The following LMBRD1 variants were observed in gnomAD, a reference collection of about 807,000 sequenced individuals.
LMBRD1 encodes lysosomal cobalamin transport escort protein LMBD1.
In LMBRD1, 64 loss-of-function variants were observed where a neutral mutation model predicts 74.8. The ratio of observed to expected loss-of-function variants is 0.86; its 90% CI spans 0.70 to 1.05. The LOEUF (loss-of-function observed/expected upper bound fraction) is 1.05. Ranked by LOEUF, LMBRD1 falls within the 50% of genes least tolerant of loss-of-function variation. The pLI, the probability that LMBRD1 is intolerant of heterozygous loss-of-function variation, is 0.00. For missense variants in LMBRD1, 652 were observed against 645.9 expected, an observed-to-expected ratio of 1.01 and a Z score of -0.10; for synonymous variants, 204 against 216.3, an observed-to-expected ratio of 0.94 and a Z score of 0.50.
At chr6:69,768,684 T>C (rs1765519400) in intron 3 of LMBRD1, among the ~76,000 whole-genome samples, 2 of 152,072 alleles carry the variant, frequency 1.3e-5, no homozygotes, top group South Asian at 4.1e-4. Context: ...TCTTTCTTCC[T>C]ATGAATTTGG....
At position 69,774,991 on chromosome 6, in the gene LMBRD1, G is replaced by GGAAGGAAGGAAGGAAGGAAGGAAGGA. The variant is rs1394719550; in HGVS notation, c.307+5502_307+5503insTCCTTCCTTCCTTCCTTCCTTCCTTC. Among the ~76,000 whole-genome samples the GGAAGGAAGGAAGGAAGGAAGGAAGGA allele has an allele frequency of 1.2e-4, 5 of 42,666 alleles. 1 individual carries two copies. The highest frequency in any genetic ancestry group is 2.6e-4 in the Admixed American group (1 of 3,818). The allele number at this position is 42,666 out of a possible 152,430, so 28.0% of individuals were successfully genotyped here. ...GAAGGAAGGAAGGAAGGAAGGAAGG[G>GGAAGGAAGGAAGGAAGGAAGGAAGGA]AGGGAGGGAGGGAGGGAGGGAGGGA... On this transcript the variant is annotated intron_variant, in intron 3 of 15. Transcript: ENST00000649934.
At position 69,677,050 on chromosome 6, in the gene LMBRD1, T is replaced by A. The variant is rs575123261; in HGVS notation, c.1418-509A>T. ...AAGACAGGTTAACAAGAGAAAAGCA[T>A]AACAAATTTATTTAGTCAGTTTTAC... On this transcript the variant is annotated intron_variant, in intron 14 of 15. Coordinates refer to ENST00000649934, the MANE Select transcript of LMBRD1 (RefSeq NM_018368.4). 1.6e-4 allele frequency among the ~76,000 whole-genome samples: 24 copies of A among 152,220 alleles called. No individual in the cohort carries two copies. The South Asian group carries it at 4.8e-3, about 30-fold the overall frequency.
chr6:69,705,826 C>T lies in LMBRD1; in HGVS notation c.916-3873G>A, dbSNP rs577892056. 26 of 1,266,414 alleles carry T rather than the reference C, an allele frequency of 2.1e-5. No homozygotes were observed. In the South Asian group the frequency reaches 2.7e-4, roughly 13 times the overall value. 78.4% of individuals were successfully genotyped at this position (1,266,414 alleles called of 1,614,324 possible). ...CTCCACTGCTACTAAATGTTGTTCACTAATATGCACTGGCCCTGAACCACA... is the reference window on the plus strand; with the variant it reads ...CTCCACTGCTACTAAATGTTGTTCATTAATATGCACTGGCCCTGAACCACA... On this transcript the variant is annotated intron_variant, in intron 9 of 15. Coordinates refer to ENST00000649934, the MANE Select transcript of LMBRD1 (RefSeq NM_018368.4).
At chr6:69,701,811 T>TA (rs1766137264) in intron 10 of LMBRD1, 78 bp downstream of exon 10, 1 of 1,000,842 alleles carries the variant, frequency 1.0e-6, no homozygotes, top group African/African-American at 1.6e-5. Context: ...CAGCCTACAC[T>TA]AATGGCATTC....
intron 1 of LMBRD1, among the ~76,000 whole-genome samples, chr6:69,793,760 G>C (rs1297540027): frequency 1.9e-5 from 2 of 103,024 alleles, no homozygotes; most frequent in Admixed American, 1.4e-4. Context: ...GTTTCCCTCT[G>C]TTGCCCAGGC....
At chr6:69,713,481 T>C (rs2149852909) in intron 9 of LMBRD1, among the ~76,000 whole-genome samples, 164 bp downstream of exon 9, 1 of 152,262 alleles carries the variant, frequency 6.6e-6, no homozygotes, top group Middle Eastern at 3.4e-3. Context: ...TTATGCACCT[T>C]ACCCAAACTA....
intron 3 of LMBRD1, among the ~76,000 whole-genome samples, chr6:69,768,669 T>G (rs950386824): frequency 1.3e-5 from 2 of 152,074 alleles, no homozygotes; most frequent in African/African-American, 4.8e-5. Flanking sequence ...TTATAATTTC[T>G]GATTTCTTTC....
intron 2 of LMBRD1, among the ~76,000 whole-genome samples, chr6:69,789,946 T>C (rs1374542260): frequency 2.6e-5 from 4 of 152,268 alleles, no homozygotes; most frequent in Non-Finnish European, 5.9e-5. Flanking sequence ...GTACTCAATA[T>C]GAAACGGAGA....
In LMBRD1 at chr6:69,755,588, TAAAA is replaced by T. The variant is rs75543340; in HGVS notation, c.308-3236_308-3233del. 3.7e-3 allele frequency among the ~76,000 whole-genome samples: 493 copies of T among 132,840 alleles called. 3 individuals carry two copies. Among genetic ancestry groups the T allele is most frequent in the African/African-American group, 0.013 (453 of 35,238 alleles). 87.1% of individuals were successfully genotyped at this position (132,840 alleles called of 152,430 possible). ...CATTCTGCACATGTATCCCAGAACT[TAAAA>T]AAAAAAAAAAAAAAATTGTTAACAG... is the stretch of plus-strand genomic sequence containing the variant. On this transcript the variant is annotated intron_variant, in intron 3 of 15. Transcript: ENST00000649934.
At chr6:69,728,597 T>C (rs905299057) in intron 7 of LMBRD1, among the ~76,000 whole-genome samples, 8 of 152,204 alleles carry the variant, frequency 5.3e-5, no homozygotes, top group African/African-American at 1.9e-4. Context: ...AAGGAACCTT[T>C]TGCTCTAGTC....
At chr6:69,752,117 T>G in intron 4 of LMBRD1, 142 bp downstream of exon 4, 1 of 735,272 alleles carries the variant, frequency 1.4e-6, no homozygotes, top group Non-Finnish European at 2.2e-6. Flanking sequence ...TTTCAACTGT[T>G]TCTTTTTATT....
intron 3 of LMBRD1, among the ~76,000 whole-genome samples, chr6:69,779,185 C>CAAAAAAAAAAAAAAAAAA (rs11397050): frequency 7.0e-5 from 7 of 100,128 alleles, no homozygotes; most frequent in African/African-American, 3.1e-4. Flanking sequence ...GACTCAGTCT[C>CAAAAAAAAAAAAAAAAAA]AAAAAAAAAA....
intron 1 of LMBRD1, among the ~76,000 whole-genome samples, chr6:69,796,536 C>T (rs1466219067): frequency 6.6e-6 from 1 of 152,208 alleles, no homozygotes; most frequent in Non-Finnish European, 1.5e-5. Flanking sequence ...CCACCGGCCC[C>T]ATTGCCCAAG....
intron 3 of LMBRD1, among the ~76,000 whole-genome samples, chr6:69,776,085 T>C (rs1336035899): frequency 1.3e-5 from 2 of 152,234 alleles, no homozygotes; most frequent in South Asian, 2.1e-4. Flanking sequence ...TAATGATATG[T>C]GTCAACATTC....
intron 3 of LMBRD1, among the ~76,000 whole-genome samples, chr6:69,763,548 TA>T (rs1434820169): frequency 6.6e-6 from 1 of 152,196 alleles, no homozygotes; most frequent in East Asian, 1.9e-4. Context: ...CTACAAGACA[TA>T]AAAAGAATGT....
chr6:69,686,744 C>T (rs897972495), intron 14 of LMBRD1, among the ~76,000 whole-genome samples: 15 of 152,104 alleles, frequency 9.9e-5, no homozygotes, highest in African/African-American at 3.4e-4. Context: ...TATTGCAAAA[C>T]GCTTCTGTCA....
chr6:69,785,447 C>T (rs1302398519), intron 2 of LMBRD1, among the ~76,000 whole-genome samples: 2 of 152,178 alleles, frequency 1.3e-5, no homozygotes, highest in Non-Finnish European at 2.9e-5. Context: ...TAGTACAGTA[C>T]ACACTTTAAA....
intron 3 of LMBRD1, among the ~76,000 whole-genome samples, chr6:69,758,163 C>T (rs1224615657): frequency 6.6e-6 from 1 of 152,166 alleles, no homozygotes; most frequent in African/African-American, 2.4e-5. Flanking sequence ...AACTTGGATA[C>T]ATTAGACTTT....
chr6:69,766,383 G>C (rs1161198338), intron 3 of LMBRD1, among the ~76,000 whole-genome samples: 1 of 151,836 alleles, frequency 6.6e-6, no homozygotes, highest in Admixed American at 6.6e-5. Context: ...ATCGATACTG[G>C]AATTTTTTTT....
Sources: allele counts gnomAD v4.1 joint callset (sites outside exome capture counted in the v4.1 genomes callset), GRCh38; gene constraint gnomAD v4.1.1; transcripts MANE v1.5; gene names NCBI Gene and HGNC (gene_info 2026-07-23, HGNC 2026-07-21).